The following PAPPA variants were observed in gnomAD, a reference collection of about 807,000 sequenced individuals.
PAPPA encodes pappalysin 1.
A neutral mutation model predicts 164.0 loss-of-function variants in PAPPA; 60 were observed. That is an observed-to-expected ratio of 0.37 (90% CI 0.30 to 0.45). The LOEUF (loss-of-function observed/expected upper bound fraction) is 0.45. Ranked by LOEUF, PAPPA falls within the 20% of genes least tolerant of loss-of-function variation. PAPPA has a pLI of 1.00. For missense variants in PAPPA, 1,782 were observed against 2,087.3 expected (o/e 0.85, Z 2.85); for synonymous variants, 875 against 814.1 (o/e 1.07, Z -1.27).
At position 116,362,639 on chromosome 9, in the gene PAPPA, C is replaced by T. The variant is rs776464168; in HGVS notation, c.4395C>T (p.Asn1465=). ...VIHCRKDGTW[N]GSFHVCQEMQ... ...ATTGCCGGAAAGATGGCACCTGGAA[C>T]GGCTCCTTCCATGTCTGCCAGGAGA... is the stretch of plus-strand genomic sequence containing the variant. Residue 1465 remains asparagine (N), a synonymous_variant, in exon 18 of 22, where the codon AAC becomes AAT. Coordinates refer to ENST00000328252, the MANE Select transcript of PAPPA (RefSeq NM_002581.5). The T allele has an allele frequency of 9.3e-6, 15 of 1,614,090 alleles. No homozygotes were observed. Among genetic ancestry groups the T allele is most frequent in the South Asian group, 6.6e-5 (6 of 91,062 alleles).
At chr9:116,158,100 G>T (rs1843624838) in intron 1 of PAPPA, among the ~76,000 whole-genome samples, 2 of 152,142 alleles carry the variant, frequency 1.3e-5, no homozygotes, top group Non-Finnish European at 2.9e-5. Flanking sequence ...CTGCTCAGAA[G>T]GAGAAAAGGA....
At chr9:116,286,519 T>TA (rs2118854150) in intron 9 of PAPPA, 1 of 152,312 alleles carries the variant, frequency 6.6e-6, no homozygotes, top group South Asian at 2.1e-4. Context: ...GATGGCTTTG[T>TA]AAGTACTGCG....
Position 116,400,109 on chromosome 9 carries a change from T to A in PAPPA, c.*3493T>A, listed in dbSNP as rs1330265727. The A allele has an allele frequency of 6.6e-6, 1 of 152,394 alleles. No individual in the cohort carries two copies. The highest frequency in any genetic ancestry group is 1.5e-5 in the Non-Finnish European group (1 of 68,020). The allele number at this position is 152,394 out of a possible 1,614,324, so 9.4% of individuals were successfully genotyped here. On this transcript the variant is annotated 3_prime_UTR_variant, in exon 22 of 22. Coordinates refer to ENST00000328252, the MANE Select transcript of PAPPA (RefSeq NM_002581.5). ...GAGGTTTTGTGTTTTTTTCTGGAAC[T>A]ACTTCAAGTGAGAAAATAAAAAAAA...
At chr9:116,159,094 T>C (rs1243594097) in intron 1 of PAPPA, among the ~76,000 whole-genome samples, 1 of 152,270 alleles carries the variant, frequency 6.6e-6, no homozygotes, top group South Asian at 2.1e-4. Context: ...GCATGAGACC[T>C]GGCAGATCTG....
chr9:116,325,274 A>G lies in PAPPA; in HGVS notation c.3148-5970A>G, dbSNP rs1051096946. Among the ~76,000 whole-genome samples the G allele has an allele frequency of 9.7e-4, 148 of 152,180 alleles. 12 individuals are homozygous for G. On this transcript the variant is annotated intron_variant, in intron 10 of 21. Transcript: ENST00000328252. ...CTCATTTTCTCACCAGAGAAAATGCAGTGGCTCTAAACTCCCAGACTATCA... is the reference window on the plus strand; with the variant it reads ...CTCATTTTCTCACCAGAGAAAATGCGGTGGCTCTAAACTCCCAGACTATCA...
At chr9:116,289,446 G>T (rs1194234326) in intron 9 of PAPPA, among the ~76,000 whole-genome samples, 1 of 146,240 alleles carries the variant, frequency 6.8e-6, no homozygotes, top group Non-Finnish European at 1.5e-5. Flanking sequence ...ACTTTCATTT[G>T]CATGCATTGT....
intron 7 of PAPPA, among the ~76,000 whole-genome samples, chr9:116,262,575 G>A (rs1425845054): frequency 3.9e-5 from 6 of 152,174 alleles, no homozygotes; most frequent in African/African-American, 9.7e-5. Flanking sequence ...GACTGGAAAC[G>A]GGATATGCTT....
rs992515776 is a variant in PAPPA, at chr9:116,154,878, G to T, written c.415+291G>T. ...TGAGGGCTGGTTCCCGGAGCCTAGG[G>T]CACGTAACCCGTGCTCCGAATGGTC... On this transcript the variant is annotated intron_variant, in intron 1 of 21. Transcript: ENST00000328252. The surrounding 1 kb of genome is among the most constrained non-coding windows in gnomAD (Gnocchi z 5.2). Among the ~76,000 whole-genome samples the T allele has an allele frequency of 2.6e-5, 4 of 152,218 alleles. No homozygotes were observed. Among genetic ancestry groups the T allele is most frequent in the African/African-American group, 9.6e-5 (4 of 41,464 alleles).
intron 2 of PAPPA, among the ~76,000 whole-genome samples, chr9:116,200,185 T>C (rs1261124737): frequency 1.3e-5 from 2 of 152,200 alleles, no homozygotes; most frequent in African/African-American, 4.8e-5. Context: ...GCTTCTATGC[T>C]TCTGGGCTTT....
chr9:116,382,681 G>C (rs1465087942), intron 21 of PAPPA, among the ~76,000 whole-genome samples, 188 bp downstream of exon 21: 2 of 152,224 alleles, frequency 1.3e-5, no homozygotes, highest in East Asian at 3.9e-4. Context: ...GCTGGGCCCT[G>C]GTTGATTTTT....
rs564850408 is a variant in PAPPA, at chr9:116,282,946, G to T, written c.2953+11530G>T. Among the ~76,000 whole-genome samples the T allele has an allele frequency of 2.0e-5, 3 of 152,168 alleles. No homozygotes were observed. In the South Asian group the frequency reaches 6.2e-4, roughly 32 times the overall value. ...GCCAATACTGATTAAGTACCAAAGA[G>T]ATGTTAACATAAAGCAAATAAGAAA... On this transcript the variant is annotated intron_variant, in intron 9 of 21. Transcript: ENST00000328252.
chr9:116,372,274 G>A (rs1481411812), intron 19 of PAPPA, among the ~76,000 whole-genome samples: 1 of 152,166 alleles, frequency 6.6e-6, no homozygotes, highest in Non-Finnish European at 1.5e-5. Flanking sequence ...GCTTCCAAAG[G>A]GGGACAGCAT....
chr9:116,335,103 G>A, intron 13 of PAPPA, 29 bp downstream of exon 13: 1 of 1,576,118 alleles, frequency 6.3e-7, no homozygotes, highest in East Asian at 2.2e-5. Context: ...ACTCGCCCTA[G>A]GCCACTTGTA....
chr9:116,158,871 T>C (rs1402543563), intron 1 of PAPPA, among the ~76,000 whole-genome samples: 1 of 152,132 alleles, frequency 6.6e-6, no homozygotes, highest in Non-Finnish European at 1.5e-5. Flanking sequence ...TGGTCTAAAG[T>C]CCCACAGGTT....
At chr9:116,340,295 G>A (rs373582572) in intron 13 of PAPPA, among the ~76,000 whole-genome samples, 10 of 152,204 alleles carry the variant, frequency 6.6e-5, no homozygotes, top group East Asian at 3.9e-4. Context: ...TATTTGAGAC[G>A]GTCAGTTAGG....
rs73654697 is a variant in PAPPA at position 116,311,784 on chromosome 9, C to T, written c.3147+8834C>T. Among the ~76,000 whole-genome samples, 1,241 of 152,282 alleles carry T rather than the reference C, an allele frequency of 8.1e-3. 18 individuals are homozygous for T. Among genetic ancestry groups the T allele is most frequent in the African/African-American group, 0.029 (1,187 of 41,556 alleles). On this transcript the variant is annotated intron_variant, in intron 10 of 21. Coordinates refer to ENST00000328252, the MANE Select transcript of PAPPA (RefSeq NM_002581.5). ...GCGAGGCATCTAATTCTTGTCAGTT[C>T]ACATCCCTACTAAACTACATTATCC...
At chr9:116,205,677 G>A (rs772429371) in intron 2 of PAPPA, among the ~76,000 whole-genome samples, 2 of 152,140 alleles carry the variant, frequency 1.3e-5, no homozygotes, top group African/African-American at 4.8e-5. Context: ...GTATGATGGC[G>A]ATAAGTGATA....
chr9:116,365,088 GCGCCTGA>G (rs1475522623), intron 18 of PAPPA, among the ~76,000 whole-genome samples: 5 of 152,148 alleles, frequency 3.3e-5, no homozygotes, highest in African/African-American at 1.2e-4. Context: ...TCCTCCAAAT[GCGCCTGA>G]CTTCCACCTC....
At chr9:116,171,833 C>G (rs1451528291) in intron 1 of PAPPA, among the ~76,000 whole-genome samples, 1 of 152,176 alleles carries the variant, frequency 6.6e-6, no homozygotes, top group African/African-American at 2.4e-5. Context: ...CAGGGAGTTG[C>G]TTGCAGACAG....
Sources: gnomAD v4.1 joint callset for allele counts (sites outside exome capture counted in the v4.1 genomes callset) on GRCh38, gnomAD v4.1.1 for gene constraint, Gnocchi (gnomAD v3.1) non-coding constraint, MANE v1.5 for transcripts, NCBI Gene and HGNC (gene_info 2026-07-23, HGNC 2026-07-21) for gene names.